The following ADD1 variants were observed in gnomAD, a reference collection of about 807,000 sequenced individuals.
ADD1 encodes alpha-adducin.
Under a neutral mutation model 80.5 loss-of-function variants are expected in ADD1, and 24 were observed. The ratio of observed to expected loss-of-function variants is 0.30; its 90% CI spans 0.22 to 0.42. The LOEUF (loss-of-function observed/expected upper bound fraction) is 0.42. Ranked by LOEUF, ADD1 falls within the 10% of genes least tolerant of loss-of-function variation. The pLI is 1.00. For synonymous variants in ADD1, 373 were observed against 393.8 expected (o/e 0.95, Z 0.63); for missense variants, 948 against 1,019.0 (o/e 0.93, Z 0.95).
intron 1 of ADD1, among the ~76,000 whole-genome samples, chr4:2,852,053 C>G (rs1292134767): frequency 3.3e-5 from 5 of 152,032 alleles, no homozygotes; most frequent in South Asian, 2.1e-4. Context: ...TGAGGCTGGT[C>G]TCGAACTCCT....
chr4:2,885,907 G>T (rs924406768), intron 4 of ADD1, among the ~76,000 whole-genome samples: 1 of 152,054 alleles, frequency 6.6e-6, no homozygotes. Context: ...ACCCTGCCCG[G>T]CCCCTTCCTG....
At chr4:2,880,891 C>T (rs1178016792) in intron 2 of ADD1, among the ~76,000 whole-genome samples, 1 of 151,912 alleles carries the variant, frequency 6.6e-6, no homozygotes, top group Non-Finnish European at 1.5e-5. Flanking sequence ...AATCCAATTG[C>T]ACTTTTTTTT....
At chr4:2,925,620 T>C (rs1249540338) in intron 14 of ADD1, among the ~76,000 whole-genome samples, 1 of 152,188 alleles carries the variant, frequency 6.6e-6, no homozygotes, top group Non-Finnish European at 1.5e-5. Context: ...GTGATGTCCC[T>C]TAAGGTGGTG....
intron 1 of ADD1, among the ~76,000 whole-genome samples, chr4:2,851,547 TG>T (rs1215409025): frequency 6.6e-6 from 1 of 152,256 alleles, no homozygotes; most frequent in Non-Finnish European, 1.5e-5. Flanking sequence ...GGTATTTTTT[TG>T]TCTGATACAG....
At chr4:2,892,478 A>G (rs1047772125) in intron 4 of ADD1, among the ~76,000 whole-genome samples, 2 of 152,288 alleles carry the variant, frequency 1.3e-5, no homozygotes, top group Middle Eastern at 3.4e-3. Context: ...GGAGAAAAAC[A>G]TACTGTGGAA....
At chr4:2,891,101 A>T (rs1734228498) in intron 4 of ADD1, among the ~76,000 whole-genome samples, 1 of 151,788 alleles carries the variant, frequency 6.6e-6, no homozygotes, top group East Asian at 1.9e-4. Context: ...CTTGGGCAAC[A>T]TAGTGAAACC....
At chr4:2,927,036 G>T (rs1577765167) in intron 15 of ADD1, among the ~76,000 whole-genome samples, 2 of 152,372 alleles carry the variant, frequency 1.3e-5, no homozygotes, top group South Asian at 4.1e-4. Flanking sequence ...TCTGCCACCT[G>T]CCGTGTGGGG....
chr4:2,923,412 C>T lies in ADD1; in HGVS notation c.1949-2602C>T, dbSNP rs147436041. On this transcript the variant is annotated intron_variant, in intron 14 of 15. Transcript: ENST00000683351. Reference sequence around the variant, plus strand: ...TGAGGGAGTTCCCCGACTCCTTGCACTTCCTGGGTGAGGCAACACCCCACC... The same window carrying T: ...TGAGGGAGTTCCCCGACTCCTTGCATTTCCTGGGTGAGGCAACACCCCACC... Among the ~76,000 whole-genome samples, 460 of 152,364 alleles carry T rather than the reference C, an allele frequency of 3.0e-3. 6 individuals are homozygous for T. Among genetic ancestry groups the T allele is most frequent in the Middle Eastern group, 0.01 (3 of 294 alleles).
chr4:2,892,261 G>T (rs1734415146), intron 4 of ADD1, among the ~76,000 whole-genome samples: 1 of 152,166 alleles, frequency 6.6e-6, no homozygotes, highest in Non-Finnish European at 1.5e-5. Context: ...TCCGACCCTA[G>T]TTAGGATTCT....
At chr4:2,928,024 G>C (rs1050491609) in intron 15 of ADD1, 147 bp from the exon 16 acceptor site, 22 of 753,992 alleles carry the variant, frequency 2.9e-5, no homozygotes, top group Non-Finnish European at 4.9e-5. Context: ...GTACAGTAGA[G>C]TAGACCATAT....
chr4:2,898,376 A>G, intron 7 of ADD1, 49 bp downstream of exon 7: 1 of 1,614,110 alleles, frequency 6.2e-7, no homozygotes, highest in Non-Finnish European at 8.5e-7. Context: ...AAAGAAGAAT[A>G]AAGCAAAGGA....
intron 1 of ADD1, among the ~76,000 whole-genome samples, chr4:2,858,960 T>C (rs1728461497): frequency 6.6e-6 from 1 of 152,200 alleles, no homozygotes; most frequent in African/African-American, 2.4e-5. Context: ...ATTACAAATG[T>C]GGAAACTGAA....
intron 14 of ADD1, among the ~76,000 whole-genome samples, chr4:2,916,188 ATTATTATTATTATT>A (rs1560245284): frequency 6.8e-6 from 1 of 148,078 alleles, no homozygotes; most frequent in Non-Finnish European, 1.5e-5. Flanking sequence ...TATTATTATT[ATTATTATTATTATT>A]ATTATTATTT....
chr4:2,882,748 T>G (rs1402765814), intron 3 of ADD1, among the ~76,000 whole-genome samples: 3 of 152,230 alleles, frequency 2.0e-5, no homozygotes, highest in African/African-American at 7.2e-5. Context: ...CTGATATATA[T>G]TGTAATTAAT....
rs187261000 is a variant in ADD1 at position 2,911,337 on chromosome 4, A to G, written c.1791+1906A>G. Among the ~76,000 whole-genome samples, 25 of 152,256 alleles carry G rather than the reference A, an allele frequency of 1.6e-4. No homozygotes were observed. In the East Asian group the frequency reaches 4.4e-3, roughly 27 times the overall value. On this transcript the variant is annotated intron_variant, in intron 13 of 15. Coordinates refer to ENST00000683351, the MANE Select transcript of ADD1 (RefSeq NM_001354761.2). ...TGCAAGTGTTGCCTTCTGATAGAAG[A>G]AGGAACAGTAATCACAGTTCAAACA...
At chr4:2,849,673 G>A (rs1726773008) in intron 1 of ADD1, among the ~76,000 whole-genome samples, 1 of 152,226 alleles carries the variant, frequency 6.6e-6, no homozygotes, top group African/African-American at 2.4e-5. Context: ...AATTTGCTTT[G>A]TGGATTAACG....
At chr4:2,871,962 G>A (rs1461055274) in intron 1 of ADD1, among the ~76,000 whole-genome samples, 2 of 152,172 alleles carry the variant, frequency 1.3e-5, no homozygotes, top group African/African-American at 4.8e-5. Flanking sequence ...CAGATTTTAA[G>A]CAGAGGAGTG....
chr4:2,845,971 AC>A (rs1726140326), intron 1 of ADD1, among the ~76,000 whole-genome samples: 1 of 152,200 alleles, frequency 6.6e-6, no homozygotes. Context: ...ACCAGTTTCA[AC>A]AGTCAATCTT....
intron 14 of ADD1, among the ~76,000 whole-genome samples, chr4:2,923,846 G>A (rs1054129165): frequency 3.3e-5 from 5 of 152,244 alleles, no homozygotes; most frequent in East Asian, 3.8e-4. Context: ...TCGCGAGAAC[G>A]AGGTTGTGCG....
Sources: gnomAD v4.1 joint callset for allele counts (sites outside exome capture counted in the v4.1 genomes callset) on GRCh38, gnomAD v4.1.1 for gene constraint, MANE v1.5 for transcripts, NCBI Gene and HGNC (gene_info 2026-07-23, HGNC 2026-07-21) for gene names.